CD101: variants seen among roughly 807,000 people sequenced by gnomAD.
CD101 encodes CD101 molecule.
CD101 carries 76 observed loss-of-function variants against 98.2 expected under a neutral mutation model. That is an observed-to-expected ratio of 0.77 (90% CI 0.64 to 0.94). CD101 has a LOEUF of 0.94. Ranked by LOEUF, CD101 falls within the 40% of genes least tolerant of loss-of-function variation. The pLI, the probability that CD101 is intolerant of heterozygous loss-of-function variation, is 0.00. For synonymous variants in CD101, 471 were observed against 472.7 expected, an observed-to-expected ratio of 1.00 and a Z score of 0.05; for missense variants, 1,145 against 1,218.8, an observed-to-expected ratio of 0.94 and a Z score of 0.90.
Position 117,021,247 on chromosome 1 carries a change from T to C in CD101, c.2018-326T>C, listed in dbSNP as rs1653563943. ...ATCATGTGGAAGAGAGATACTGGGC[T>C]TGTCTGTGTGACACTCCCTCTGCCA... On this transcript the variant is annotated intron_variant, in intron 6 of 9. Coordinates refer to ENST00000682167, the MANE Select transcript of CD101 (RefSeq NM_001256106.3). This position sits in a 1 kb window ranked among gnomAD's most constrained non-coding sequence, Gnocchi z 4.7. Among the ~76,000 whole-genome samples, 1 of 152,194 alleles carries C rather than the reference T, an allele frequency of 6.6e-6. No homozygotes were observed. The highest frequency in any genetic ancestry group is 1.9e-4 in the East Asian group (1 of 5,192).
chr1:117,007,008 G>A (rs1652574845), intron 1 of CD101, among the ~76,000 whole-genome samples: 2 of 152,128 alleles, frequency 1.3e-5, no homozygotes, highest in South Asian at 4.1e-4. Flanking sequence ...TTCGAGAAGT[G>A]TTGCCTAGCC....
rs1653316303 is a variant in CD101 at position 117,017,571 on chromosome 1, G to T, written c.1612+98G>T. ...TGTTATCCTGAATCCCCCAGTGATG[G>T]TATGTGTACCCTAGGACACAGAGCT... On this transcript the variant is annotated intron_variant, in intron 5 of 9. Coordinates refer to ENST00000682167, the MANE Select transcript of CD101 (RefSeq NM_001256106.3). The T allele has an allele frequency of 5.7e-6, 7 of 1,233,218 alleles. No individual in the cohort carries two copies. The South Asian group carries it at 8.6e-5, about 15-fold the overall frequency. 76.4% of individuals were successfully genotyped at this position (1,233,218 alleles called of 1,614,324 possible).
intron 8 of CD101, chr1:117,032,966 G>A (rs1654556093): frequency 1.3e-5 from 2 of 152,234 alleles, no homozygotes; most frequent in Non-Finnish European, 2.9e-5. Context: ...TGTGGTTGCA[G>A]TCAATCCAAT....
intron 1 of CD101, among the ~76,000 whole-genome samples, 178 bp downstream of exon 1, chr1:117,002,038 T>A (rs1652258052): frequency 6.6e-6 from 1 of 152,208 alleles, no homozygotes; most frequent in Non-Finnish European, 1.5e-5. Flanking sequence ...CATCCTTGAG[T>A]TCCAGGGAGT....
At chr1:117,030,455 AAAG>A (rs1654383326) in intron 8 of CD101, among the ~76,000 whole-genome samples, 2 of 151,704 alleles carry the variant, frequency 1.3e-5, no homozygotes, top group African/African-American at 4.9e-5. Context: ...GAAAGAAAGA[AAAG>A]AAAGAAAAAA....
rs1227877127 is a variant in CD101 at position 117,029,147 on chromosome 1, GA to G, written c.2824+3246del. 4.8e-3 allele frequency among the ~76,000 whole-genome samples: 394 copies of G among 82,902 alleles called. 6 individuals are homozygous for G. The highest frequency in any genetic ancestry group is 0.018 in the African/African-American group (367 of 20,112). 54.4% of individuals were successfully genotyped at this position (82,902 alleles called of 152,430 possible). On this transcript the variant is annotated intron_variant, in intron 8 of 9. Coordinates refer to ENST00000682167, the MANE Select transcript of CD101 (RefSeq NM_001256106.3). ...CCAACATCAGAAAGAAAGAAAGAAA[GA>G]AAGAAAGAAAGAAAGAAAGAAAGAA...
At chr1:117,026,984 G>A (rs561868119) in intron 8 of CD101, among the ~76,000 whole-genome samples, 1 of 152,182 alleles carries the variant, frequency 6.6e-6, no homozygotes, top group African/African-American at 2.4e-5. Flanking sequence ...AAATCCCAGG[G>A]GCTGGAATCT....
At chr1:117,027,044 A>G (rs568304037) in intron 8 of CD101, among the ~76,000 whole-genome samples, 11 of 152,352 alleles carry the variant, frequency 7.2e-5, no homozygotes, top group Admixed American at 1.3e-4. Context: ...CAGCTATGAA[A>G]TCATACGCTG....
In CD101 at chr1:117,012,362, C is replaced by A. The variant is rs193255557; in HGVS notation, c.841+396C>A. 1.7e-3 allele frequency among the ~76,000 whole-genome samples: 264 copies of A among 152,270 alleles called. 2 individuals are homozygous for A. The highest frequency in any genetic ancestry group is 6.0e-3 in the African/African-American group (248 of 41,548). On this transcript the variant is annotated intron_variant, in intron 3 of 9. Coordinates refer to ENST00000682167, the MANE Select transcript of CD101 (RefSeq NM_001256106.3). This position sits in a 1 kb window ranked among gnomAD's most constrained non-coding sequence, Gnocchi z 4.0. ...CTCTGAACTTCAGACATGCTAGATG[C>A]GCTGCCTAAGCCCACCCAGCTGGTG...
rs1470821127 is a variant in CD101 at position 117,004,018 on chromosome 1, T to C, written c.43+2158T>C. On this transcript the variant is annotated intron_variant, in intron 1 of 9. Transcript: ENST00000682167. The surrounding 1 kb of genome is among the most constrained non-coding windows in gnomAD (Gnocchi z 4.1). ...AAATATAAGGACTGAACAATCCTGA[T>C]AGAAAATGGTGCCATATGAGATTAA... Among the ~76,000 whole-genome samples, 1 of 152,202 alleles carries C rather than the reference T, an allele frequency of 6.6e-6. No individual in the cohort carries two copies. Among genetic ancestry groups the C allele is most frequent in the Non-Finnish European group, 1.5e-5 (1 of 68,034 alleles).
At chr1:117,008,130 G>A (rs1280227193) in intron 1 of CD101, among the ~76,000 whole-genome samples, 8 of 152,166 alleles carry the variant, frequency 5.3e-5, no homozygotes. Flanking sequence ...ATATAAATAT[G>A]TCACATTAAT....
At chr1:117,002,444 G>A (rs751480079) in intron 1 of CD101, among the ~76,000 whole-genome samples, 6 of 152,178 alleles carry the variant, frequency 3.9e-5, no homozygotes, top group Admixed American at 1.3e-4. Flanking sequence ...TGATCTAGGG[G>A]CATTTATCTA....
Position 117,006,764 on chromosome 1 carries a change from T to C in CD101, c.44-3086T>C, listed in dbSNP as rs1054856482. 3.9e-5 allele frequency among the ~76,000 whole-genome samples: 6 copies of C among 152,146 alleles called. No individual in the cohort carries two copies. The highest frequency in any genetic ancestry group is 7.3e-5 in the Non-Finnish European group (5 of 68,030). The stretch of plus-strand genomic sequence containing the variant: ...AAATTTTTGAAGCACTTTTATTATA[T>C]GTTTTCCATAGAGAGGTGACTACTA... On this transcript the variant is annotated intron_variant, in intron 1 of 9. Coordinates refer to ENST00000682167, the MANE Select transcript of CD101 (RefSeq NM_001256106.3). The surrounding 1 kb of genome is among the most constrained non-coding windows in gnomAD (Gnocchi z 4.4).
chr1:117,022,347 C>G lies in CD101; in HGVS notation c.2428+364C>G, dbSNP rs771026933. Reference sequence around the variant, plus strand: ...GTAATTTGGCAGAGAAAGAGTAATACGAAGCATATTTCTCCCACTGTGAAC... The same window carrying G: ...GTAATTTGGCAGAGAAAGAGTAATAGGAAGCATATTTCTCCCACTGTGAAC... On this transcript the variant is annotated intron_variant, in intron 7 of 9. Transcript: ENST00000682167. The surrounding 1 kb of genome is among the most constrained non-coding windows in gnomAD (Gnocchi z 4.8). 6.6e-6 allele frequency among the ~76,000 whole-genome samples: 1 copy of G among 152,140 alleles called. No homozygotes were observed. Among genetic ancestry groups the G allele is most frequent in the Non-Finnish European group, 1.5e-5 (1 of 68,038 alleles).
Position 117,025,885 on chromosome 1 carries a change from G to C in CD101, c.2805G>C (p.Val935=). Residue 935 remains valine (V), a synonymous_variant, in exon 8 of 10, where the codon GTG becomes GTC. Transcript: ENST00000682167. ...NQASDESQRM[V]LTVLPSEPTL... ...CATCCGATGAGTCACAGCGGATGGT[G>C]CTCACGGTGCTGCCTTCAGGTAACC... 2 of 1,610,276 alleles carry C rather than the reference G, an allele frequency of 1.2e-6. No homozygotes were observed. Among genetic ancestry groups the C allele is most frequent in the Non-Finnish European group, 1.7e-6 (2 of 1,177,000 alleles).
intron 8 of CD101, among the ~76,000 whole-genome samples, chr1:117,029,254 A>T (rs1296975524): frequency 2.8e-5 from 4 of 144,640 alleles, no homozygotes; most frequent in African/African-American, 8.4e-5. Flanking sequence ...AGAAAGAAAG[A>T]AAGAAAGAAA....
At position 117,012,780 on chromosome 1, in the gene CD101, C is replaced by T. The variant is rs966510466; in HGVS notation, c.842-626C>T. Among the ~76,000 whole-genome samples, 1 of 152,152 alleles carries T rather than the reference C, an allele frequency of 6.6e-6. No homozygotes were observed. Among genetic ancestry groups the T allele is most frequent in the Admixed American group, 6.5e-5 (1 of 15,274 alleles). On this transcript the variant is annotated intron_variant, in intron 3 of 9. Coordinates refer to ENST00000682167, the MANE Select transcript of CD101 (RefSeq NM_001256106.3). The surrounding 1 kb of genome is among the most constrained non-coding windows in gnomAD (Gnocchi z 4.0). ...AAAGGCCTTGTCTGTGATTCCTGGT[C>T]TCTATAGGCTTTTGTCCAACAGGAA...
chr1:117,012,620 C>T lies in CD101; in HGVS notation c.841+654C>T, dbSNP rs1570718665. On this transcript the variant is annotated intron_variant, in intron 3 of 9. Transcript: ENST00000682167. This position sits in a 1 kb window ranked among gnomAD's most constrained non-coding sequence, Gnocchi z 4.0. ...ACAGGATCTTGCTATGTTCCCCAGG[C>T]TGGCCTTGAACTCCGGGGCTCAAGC... Among the ~76,000 whole-genome samples, 1 of 152,176 alleles carries T rather than the reference C, an allele frequency of 6.6e-6. No individual in the cohort carries two copies. The highest frequency in any genetic ancestry group is 2.4e-5 in the African/African-American group (1 of 41,446).
chr1:117,026,736 A>T (rs1236637877), intron 8 of CD101: 1 of 152,228 alleles, frequency 6.6e-6, no homozygotes, highest in Non-Finnish European at 1.5e-5. Context: ...ACATATTGTT[A>T]ATCTTTGTGA....
Sources: allele counts gnomAD v4.1 joint callset (sites outside exome capture counted in the v4.1 genomes callset), GRCh38; gene constraint gnomAD v4.1.1; non-coding constraint Gnocchi (gnomAD v3.1); transcripts MANE v1.5; gene names NCBI Gene and HGNC (gene_info 2026-07-23, HGNC 2026-07-21).